Variants in NSD1 observed in about 807,000 individuals in gnomAD.
NSD1 encodes nuclear receptor binding SET domain protein 1.
Under a neutral mutation model 242.7 loss-of-function variants are expected in NSD1, and 26 were observed. The observed-to-expected ratio is 0.11, with a 90% CI of 0.08 to 0.15. The LOEUF is 0.15. Ranked by LOEUF, NSD1 falls within the 10% of genes least tolerant of loss-of-function variation. NSD1 has a pLI of 1.00. For synonymous variants in NSD1, 1,106 were observed against 1,178.1 expected (o/e 0.94, Z 1.25); for missense variants, 2,495 against 3,272.8 (o/e 0.76, Z 5.80).
intron 4 of NSD1, among the ~76,000 whole-genome samples, chr5:177,205,172 G>A (rs1762783982): frequency 6.6e-6 from 1 of 151,992 alleles, no homozygotes; most frequent in Non-Finnish European, 1.5e-5. Context: ...AAGTAGCTGG[G>A]ATTATAGGTG....
At chr5:177,208,489 T>G (rs1017474347) in intron 4 of NSD1, among the ~76,000 whole-genome samples, 5 of 151,802 alleles carry the variant, frequency 3.3e-5, no homozygotes, top group Non-Finnish European at 5.9e-5. Context: ...CTTTTTTTCT[T>G]TTTCTTTTTT....
chr5:177,142,348 A>G (rs1756896974), intron 2 of NSD1, among the ~76,000 whole-genome samples: 3 of 152,246 alleles, frequency 2.0e-5, no homozygotes, highest in Non-Finnish European at 4.4e-5. Context: ...GTTTGCTTTT[A>G]AGGAACTTCA....
chr5:177,158,420 C>T (rs528661160), intron 2 of NSD1, among the ~76,000 whole-genome samples: 3 of 151,506 alleles, frequency 2.0e-5, no homozygotes, highest in Admixed American at 1.3e-4. Context: ...CTCACTGCAG[C>T]CTCCGCCTCT....
intron 2 of NSD1, among the ~76,000 whole-genome samples, chr5:177,170,684 C>T (rs79744872): frequency 0.012 from 1,823 of 152,146 alleles, 19 homozygotes; most frequent in Non-Finnish European, 0.019. Flanking sequence ...GGAAAGTGTA[C>T]GTGACTTCCT....
At position 177,211,746 on chromosome 5, in the gene NSD1, A is replaced by G. The variant is rs748129208; in HGVS notation, c.3347A>G (p.Gln1116Arg). 6.2e-7 allele frequency: 1 copy of G among 1,614,146 alleles called. No homozygotes were observed. Among genetic ancestry groups the G allele is most frequent in the South Asian group, 1.1e-5 (1 of 91,078 alleles). ...SDVHFDSKVK[Q>R]SDPGKISEKG... ...GTGCATTTCGATAGCAAGGTTAAGC[A>G]ATCTGATCCTGGTAAAATTTCTGAA... Residue 1116 changes from glutamine to arginine, a missense_variant, in exon 5 of 23, where the codon CAA becomes CGA. Physicochemically the swap from Gln to Arg is conservative, Grantham distance 43. Around this residue, in one of 19 missense-constraint regions of NSD1, gnomAD observed 426 missense variants for 411.4 expected, o/e 1.04. Transcript: ENST00000439151.
At chr5:177,245,418 C>A (rs1034537798) in intron 9 of NSD1, among the ~76,000 whole-genome samples, 6 of 152,046 alleles carry the variant, frequency 3.9e-5, no homozygotes, top group Non-Finnish European at 7.4e-5. Context: ...TGTTAGGCTG[C>A]GAGCAGTTTT....
Position 177,280,577 on chromosome 5 carries a change from A to G in NSD1, c.5635A>G (p.Ile1879Val), listed in dbSNP as rs746599803. ...GTTACTTTTCCAGGTAAACCGTCCT[A>G]TTGGCAGGGTACAGATCTTCACTGC... ...PYKHIKVNRP[I>V]GRVQIFTADL... The change falls in exon 18 of 23, where the codon ATT becomes GTT. Residue 1879 changes from isoleucine (I) to valine (V), a missense_variant. This residue lies in a region of NSD1 where 114 missense variants were observed against 247.4 expected (regional missense o/e 0.46). Transcript: ENST00000439151. 1.2e-5 allele frequency: 20 copies of G among 1,614,112 alleles called. No homozygotes were observed. Among genetic ancestry groups the G allele is most frequent in the South Asian group, 9.9e-5 (9 of 91,088 alleles).
intron 4 of NSD1, among the ~76,000 whole-genome samples, chr5:177,204,936 C>A (rs1762769864): frequency 6.6e-6 from 1 of 152,124 alleles, no homozygotes; most frequent in Admixed American, 6.6e-5. Context: ...CTTTTGTTAT[C>A]TTTTATGCAT....
chr5:177,132,823 A>G (rs1755967587), upstream of NSD1, among the ~76,000 whole-genome samples: 2 of 149,034 alleles, frequency 1.3e-5, no homozygotes, highest in African/African-American at 2.5e-5. This position sits in a 1 kb window ranked among gnomAD's most constrained non-coding sequence, Gnocchi z 7.5. Context: ...GGGGGAAGGG[A>G]AGGGGTGGTG....
chr5:177,292,420 TA>T (rs1227761298), intron 22 of NSD1, among the ~76,000 whole-genome samples: 14 of 152,188 alleles, frequency 9.2e-5, no homozygotes, highest in Non-Finnish European at 2.1e-4. Flanking sequence ...CAGCAGCCCA[TA>T]ATGGTTGGTT....
At chr5:177,191,681 T>G (rs1308065206) in intron 2 of NSD1, among the ~76,000 whole-genome samples, 2 of 152,212 alleles carry the variant, frequency 1.3e-5, no homozygotes, top group Non-Finnish European at 2.9e-5. Context: ...CAATTATAAG[T>G]TGAGAACTAT....
At chr5:177,292,232 G>A in intron 22 of NSD1, 74 bp downstream of exon 22, 1 of 1,488,084 alleles carries the variant, frequency 6.7e-7, no homozygotes, top group Non-Finnish European at 9.3e-7. Flanking sequence ...ATTTGCATCA[G>A]CCTTGAAGAA....
chr5:177,237,858 G>T (rs532998394), intron 6 of NSD1, among the ~76,000 whole-genome samples: 2 of 152,196 alleles, frequency 1.3e-5, no homozygotes, highest in East Asian at 3.9e-4. Flanking sequence ...TAAGTGTACA[G>T]TTCAGTAGCA....
intron 2 of NSD1, among the ~76,000 whole-genome samples, chr5:177,171,321 A>T (rs1021707991): frequency 6.6e-6 from 1 of 151,700 alleles, no homozygotes; most frequent in Admixed American, 6.6e-5. Context: ...AAAAAAAAGG[A>T]AACCTTGTAC....
At position 177,282,569 on chromosome 5, in the gene NSD1, C is replaced by T. The variant is rs562617982; in HGVS notation, c.5997C>T (p.Leu1999=). 3.1e-6 allele frequency: 5 copies of T among 1,599,328 alleles called. No individual in the cohort carries two copies. The highest frequency in any genetic ancestry group is 1.3e-5 in the African/African-American group (1 of 74,600). ...ATGATATCACTAATTTCTATATGCTCACCCTAGACAAAGTAAGTAATGGGA... is the reference window on the plus strand; with the variant it reads ...ATGATATCACTAATTTCTATATGCTTACCCTAGACAAAGTAAGTAATGGGA... The part of the protein sequence containing the change: ...QEHDITNFYM[L]TLDKDRIIDA... The change falls in exon 19 of 23, where the codon CTC becomes CTT. Residue 1999 remains leucine (L), a synonymous_variant. Coordinates refer to ENST00000439151, the MANE Select transcript of NSD1 (RefSeq NM_022455.5).
chr5:177,221,676 G>A (rs181138158), intron 5 of NSD1, among the ~76,000 whole-genome samples: 136 of 152,102 alleles, frequency 8.9e-4, no homozygotes, highest in Middle Eastern at 3.4e-3. Flanking sequence ...TCACCTTGTC[G>A]GCCAGGCTGG....
chr5:177,141,780 A>C (rs557906950), intron 2 of NSD1, among the ~76,000 whole-genome samples: 32 of 152,268 alleles, frequency 2.1e-4, no homozygotes, highest in Middle Eastern at 3.4e-3. Context: ...TCTACTTGTC[A>C]ACTAAGCTGC....
chr5:177,215,786 C>T (rs1178022332), intron 5 of NSD1, among the ~76,000 whole-genome samples: 2 of 152,172 alleles, frequency 1.3e-5, no homozygotes, highest in East Asian at 1.9e-4. Context: ...AGCCACCGCA[C>T]CCGGCCTACT....
intron 5 of NSD1, among the ~76,000 whole-genome samples, chr5:177,226,695 A>G (rs1424417208): frequency 6.6e-6 from 1 of 152,256 alleles, no homozygotes; most frequent in Non-Finnish European, 1.5e-5. Context: ...TGTTATACTG[A>G]TATGTTCCTA....
Sources: gnomAD v4.1 joint callset for allele counts (sites outside exome capture counted in the v4.1 genomes callset) on GRCh38, gnomAD v4.1.1 for gene constraint, gnomAD v4.1.1 regional missense constraint, Gnocchi (gnomAD v3.1) non-coding constraint, MANE v1.5 for transcripts, NCBI Gene and HGNC (gene_info 2026-07-23, HGNC 2026-07-21) for gene names.